KIRREL3: variants seen among roughly 807,000 people sequenced by gnomAD.
The protein encoded by KIRREL3 is kin of IRRE-like protein 3.
KIRREL3 carries 36 observed loss-of-function variants against 89.7 expected under a neutral mutation model. The observed-to-expected ratio is 0.40, with a 90% CI of 0.31 to 0.53. The LOEUF is 0.53. KIRREL3 is among the 20% of genes least tolerant of loss of function. The pLI is 0.49. For synonymous variants in KIRREL3, 445 were observed against 441.4 expected (o/e 1.01, Z -0.10); for missense variants, 864 against 1,056.6 (o/e 0.82, Z 2.53).
chr11:126,494,399 A>G (rs1957602644), intron 4 of KIRREL3, among the ~76,000 whole-genome samples: 1 of 152,248 alleles, frequency 6.6e-6, no homozygotes, highest in Admixed American at 6.5e-5. Context: ...TTTACCACTT[A>G]AAGAATACTT....
At chr11:126,450,272 T>TGTGTGAGCATGTGC (rs1296361494) in intron 7 of KIRREL3, among the ~76,000 whole-genome samples, 6 of 152,110 alleles carry the variant, frequency 3.9e-5, no homozygotes, top group Non-Finnish European at 5.9e-5. Context: ...TGTGTGTGCA[T>TGTGTGAGCATGTGC]GTGTGAGCAT....
chr11:126,729,501 G>A lies in KIRREL3; in HGVS notation c.56-166589C>T, dbSNP rs978566087. Among the ~76,000 whole-genome samples the A allele has an allele frequency of 6.6e-5, 10 of 152,296 alleles. No homozygotes were observed. Among genetic ancestry groups the A allele is most frequent in the Non-Finnish European group, 1.3e-4 (9 of 68,032 alleles). ...ACAGGGGGAGTCAAAGGGTCAATAG[G>A]TGCTTCTCCTTTGCAGCCTCAGGGA... On this transcript the variant is annotated intron_variant, in intron 1 of 16. Transcript: ENST00000525144. The surrounding 1 kb of genome is among the most constrained non-coding windows in gnomAD (Gnocchi z 4.5).
At chr11:126,733,196 A>C (rs1948690580) in intron 1 of KIRREL3, among the ~76,000 whole-genome samples, 1 of 152,228 alleles carries the variant, frequency 6.6e-6, no homozygotes, top group Non-Finnish European at 1.5e-5. Context: ...CCTTTAAGGC[A>C]AGGTGGGTAA....
In KIRREL3 at chr11:126,918,992, A is replaced by G. The variant is rs940550429; in HGVS notation, c.55+81463T>C. On this transcript the variant is annotated intron_variant, in intron 1 of 16. Transcript: ENST00000525144. This position sits in a 1 kb window ranked among gnomAD's most constrained non-coding sequence, Gnocchi z 6.5. ...TATTGTTACATCATATTATATTATT[A>G]TTTGTATTATATATATGTATATATG... Among the ~76,000 whole-genome samples, 6 of 149,518 alleles carry G rather than the reference A, an allele frequency of 4.0e-5. No homozygotes were observed. Among genetic ancestry groups the G allele is most frequent in the Non-Finnish European group, 5.9e-5 (4 of 67,522 alleles).
chr11:126,503,835 C>T (rs1957939272), intron 4 of KIRREL3, among the ~76,000 whole-genome samples: 1 of 151,430 alleles, frequency 6.6e-6, no homozygotes, highest in Non-Finnish European at 1.5e-5. Context: ...TTCCCTCTCT[C>T]TCTTTCTCCC....
chr11:126,521,728 G>A lies in KIRREL3; in HGVS notation c.284-264C>T, dbSNP rs1958603036. On this transcript the variant is annotated intron_variant, in intron 3 of 16. Transcript: ENST00000525144. This position sits in a 1 kb window ranked among gnomAD's most constrained non-coding sequence, Gnocchi z 4.1. Reference sequence around the variant, plus strand: ...TGTGTGTGTGTGTGTGTGTGTGTGTGTGTATAAGGGCATTTGGTCTGTTTG... The same window carrying A: ...TGTGTGTGTGTGTGTGTGTGTGTGTATGTATAAGGGCATTTGGTCTGTTTG... 1.1e-5 allele frequency among the ~76,000 whole-genome samples: 1 copy of A among 90,224 alleles called. No homozygotes were observed. The highest frequency in any genetic ancestry group is 2.2e-5 in the Non-Finnish European group (1 of 44,966). 59.2% of individuals were successfully genotyped at this position (90,224 alleles called of 152,430 possible). A position where few individuals can be genotyped will look rare whatever the true frequency, so the allele number is the denominator to read the frequency against.
chr11:126,950,350 A>T lies in KIRREL3; in HGVS notation c.55+50105T>A, dbSNP rs556875307. 9.2e-5 allele frequency among the ~76,000 whole-genome samples: 14 copies of T among 152,254 alleles called. No individual in the cohort carries two copies. In the South Asian group the frequency reaches 1.9e-3, roughly 20 times the overall value. ...CCACTGCACTCCAGCCTGGCCACAGAGCAAGACTCCATCTGAAAACAAAAA... is the reference window on the plus strand; with the variant it reads ...CCACTGCACTCCAGCCTGGCCACAGTGCAAGACTCCATCTGAAAACAAAAA... On this transcript the variant is annotated intron_variant, in intron 1 of 16. Transcript: ENST00000525144.
At position 126,665,521 on chromosome 11, in the gene KIRREL3, C is replaced by T. The variant is rs182115788; in HGVS notation, c.56-102609G>A. Among the ~76,000 whole-genome samples, 47 of 152,222 alleles carry T rather than the reference C, an allele frequency of 3.1e-4. 1 individual carries two copies. Among genetic ancestry groups the T allele is most frequent in the Middle Eastern group, 3.4e-3 (1 of 294 alleles). ...GATTAGGGCATGAGGGTGGAGCCCT[C>T]ATGAATGAAATTAGTGACCTTGTGA... On this transcript the variant is annotated intron_variant, in intron 1 of 16. Coordinates refer to ENST00000525144, the MANE Select transcript of KIRREL3 (RefSeq NM_032531.4).
At chr11:126,888,034 T>C (rs1416326737) in intron 1 of KIRREL3, among the ~76,000 whole-genome samples, 1 of 152,198 alleles carries the variant, frequency 6.6e-6, no homozygotes, top group Non-Finnish European at 1.5e-5. Context: ...CAGGAATCAA[T>C]AGGACCTATG....
intron 1 of KIRREL3, among the ~76,000 whole-genome samples, chr11:126,617,596 A>G (rs1441773659): frequency 1.3e-5 from 2 of 152,218 alleles, no homozygotes; most frequent in African/African-American, 4.8e-5. Context: ...TGATGGTTGT[A>G]GAGCAAATCA....
At position 126,987,655 on chromosome 11, in the gene KIRREL3, T is replaced by C. The variant is rs1345508576; in HGVS notation, c.55+12800A>G. ...GAACCCAGGCATCAGCTGCCAAGGC[T>C]CTGTTGATATGACGGCATGTCCCAC... On this transcript the variant is annotated intron_variant, in intron 1 of 16. Transcript: ENST00000525144. This position sits in a 1 kb window ranked among gnomAD's most constrained non-coding sequence, Gnocchi z 4.6. Among the ~76,000 whole-genome samples, 1 of 152,198 alleles carries C rather than the reference T, an allele frequency of 6.6e-6. No individual in the cohort carries two copies. Among genetic ancestry groups the C allele is most frequent in the African/African-American group, 2.4e-5 (1 of 41,456 alleles).
chr11:126,480,572 A>C (rs1014018242), intron 4 of KIRREL3, among the ~76,000 whole-genome samples: 1 of 152,254 alleles, frequency 6.6e-6, no homozygotes, highest in Admixed American at 6.5e-5. Context: ...TGTTGGAGTT[A>C]GAGCAGCTCC....
At chr11:126,466,056 G>A (rs1165483285) in intron 5 of KIRREL3, among the ~76,000 whole-genome samples, 7 of 152,138 alleles carry the variant, frequency 4.6e-5, no homozygotes, top group Admixed American at 3.9e-4. Context: ...GATGGGCTCT[G>A]GGCGGTGGGT....
intron 6 of KIRREL3, 75 bp from the exon 7 acceptor site, chr11:126,456,529 A>T: frequency 1.1e-6 from 1 of 949,750 alleles, no homozygotes; most frequent in South Asian, 1.5e-5. Flanking sequence ...CATGGAGGAT[A>T]CAGCCAGAGA....
chr11:126,705,401 A>G lies in KIRREL3; in HGVS notation c.56-142489T>C, dbSNP rs1403174695. Reference sequence around the variant, plus strand: ...TTGTTGATCAGTTTGTTCACATGAGATCTGGTTGTTTAAAAGTCTGAGACC... The same window carrying G: ...TTGTTGATCAGTTTGTTCACATGAGGTCTGGTTGTTTAAAAGTCTGAGACC... On this transcript the variant is annotated intron_variant, in intron 1 of 16. Transcript: ENST00000525144. The surrounding 1 kb of genome is among the most constrained non-coding windows in gnomAD (Gnocchi z 4.3). 6.6e-6 allele frequency among the ~76,000 whole-genome samples: 1 copy of G among 151,992 alleles called. No homozygotes were observed. Among genetic ancestry groups the G allele is most frequent in the African/African-American group, 2.4e-5 (1 of 41,366 alleles).
chr11:126,968,215 C>T (rs1340264062), intron 1 of KIRREL3, among the ~76,000 whole-genome samples: 2 of 152,062 alleles, frequency 1.3e-5, no homozygotes, highest in Non-Finnish European at 2.9e-5. Context: ...AAACATGCTT[C>T]TGTATTTTTT....
intron 1 of KIRREL3, among the ~76,000 whole-genome samples, chr11:126,798,055 CT>C (rs1950868546): frequency 2.0e-5 from 3 of 152,098 alleles, no homozygotes; most frequent in Admixed American, 2.0e-4. Flanking sequence ...AATCTGATGA[CT>C]GTGGAAGTGA....
rs553199828 is a variant in KIRREL3, at chr11:126,936,757, G to C, written c.55+63698C>G. ...TGTAGTTGCCCACAGCAGTGGGTGG[G>C]AATGCAGATGATCTGCAAATGGGCA... On this transcript the variant is annotated intron_variant, in intron 1 of 16. Transcript: ENST00000525144. 8 of 152,310 alleles carry C rather than the reference G, an allele frequency of 5.3e-5. No homozygotes were observed. The South Asian group carries it at 1.7e-3, about 32-fold the overall frequency. 9.4% of individuals were successfully genotyped at this position (152,310 alleles called of 1,614,324 possible).
At chr11:126,659,080 C>A (rs1054332114) in intron 1 of KIRREL3, among the ~76,000 whole-genome samples, 51 of 152,194 alleles carry the variant, frequency 3.4e-4, no homozygotes, top group African/African-American at 1.2e-3. Flanking sequence ...CTAGTCTAAA[C>A]CACTTCTTAG....
Sources: gnomAD v4.1 joint callset for allele counts (sites outside exome capture counted in the v4.1 genomes callset) on GRCh38, gnomAD v4.1.1 for gene constraint, Gnocchi (gnomAD v3.1) non-coding constraint, MANE v1.5 for transcripts, NCBI Gene and HGNC (gene_info 2026-07-23, HGNC 2026-07-21) for gene names.